The following NT5E variants were observed in gnomAD, a reference collection of about 807,000 sequenced individuals.
NT5E encodes 5'-nucleotidase.
A neutral mutation model predicts 55.1 loss-of-function variants in NT5E; 53 were observed. That is an observed-to-expected ratio of 0.96 (90% CI 0.77 to 1.21). NT5E has a LOEUF of 1.21. NT5E is among the 50% of genes most tolerant of loss of function. The probability of loss-of-function intolerance (pLI) is 0.00; values close to 1 mark genes in which losing one functional copy is unlikely to be tolerated. For synonymous variants in NT5E, 270 were observed against 278.4 expected (o/e 0.97, Z 0.30); for missense variants, 683 against 724.3 (o/e 0.94, Z 0.65).
At chr6:85,492,329 A>G (rs1769803457) in intron 8 of NT5E, 152 bp downstream of exon 8, 1 of 665,728 alleles carries the variant, frequency 1.5e-6, no homozygotes, top group Non-Finnish European at 2.6e-6. Flanking sequence ...AGCACAGCAG[A>G]GAGGAATATG....
At chr6:85,452,660 C>T (rs528900070) in intron 1 of NT5E, among the ~76,000 whole-genome samples, 5 of 152,262 alleles carry the variant, frequency 3.3e-5, no homozygotes, top group Admixed American at 6.5e-5. Flanking sequence ...GTGTGTCAAA[C>T]ATGATTTGAC....
intron 3 of NT5E, among the ~76,000 whole-genome samples, chr6:85,474,312 CT>C (rs1769382422): frequency 6.6e-6 from 1 of 152,106 alleles, no homozygotes; most frequent in African/African-American, 2.4e-5. Flanking sequence ...TAAAACCATC[CT>C]TTTTTAGAAA....
At chr6:85,474,006 C>G (rs545685691) in intron 3 of NT5E, among the ~76,000 whole-genome samples, 2 of 152,262 alleles carry the variant, frequency 1.3e-5, no homozygotes, top group African/African-American at 4.8e-5. Flanking sequence ...GAGACCATGC[C>G]CAGCTTCCCA....
At chr6:85,487,575 C>T (rs901222414) in intron 5 of NT5E, 86 bp downstream of exon 5, 112 of 1,518,486 alleles carry the variant, frequency 7.4e-5, no homozygotes, top group Middle Eastern at 1.7e-4. Context: ...AGGGATAGAT[C>T]GATAGCTACA....
intron 3 of NT5E, among the ~76,000 whole-genome samples, chr6:85,484,083 G>A (rs1769601722): frequency 6.6e-6 from 1 of 152,186 alleles, no homozygotes; most frequent in African/African-American, 2.4e-5. Flanking sequence ...ATGAGATTAA[G>A]CCCAGGGCCT....
At chr6:85,451,755 C>G (rs1384045923) in intron 1 of NT5E, among the ~76,000 whole-genome samples, 1 of 152,164 alleles carries the variant, frequency 6.6e-6, no homozygotes, top group Non-Finnish European at 1.5e-5. Flanking sequence ...GCTTAGAGGT[C>G]AGGAGAGCAC....
chr6:85,490,764 G>A, intron 7 of NT5E, 107 bp downstream of exon 7: 1 of 1,267,348 alleles, frequency 7.9e-7, no homozygotes, highest in South Asian at 1.2e-5. Flanking sequence ...AACTGGTTTG[G>A]ATTTTTCCCG....
intron 3 of NT5E, among the ~76,000 whole-genome samples, chr6:85,479,195 T>G (rs1728472860): frequency 6.6e-6 from 1 of 152,224 alleles, no homozygotes; most frequent in African/African-American, 2.4e-5. Context: ...AAAGATATCC[T>G]AAATTTGAGA....
intron 1 of NT5E, among the ~76,000 whole-genome samples, chr6:85,459,680 T>C (rs1283509851): frequency 6.6e-6 from 1 of 152,236 alleles, no homozygotes; most frequent in Non-Finnish European, 1.5e-5. Flanking sequence ...CCAAAGGAGA[T>C]TTTATTCTTC....
chr6:85,473,312 C>T, intron 3 of NT5E, among the ~76,000 whole-genome samples: 1 of 152,034 alleles, frequency 6.6e-6, no homozygotes, highest in Admixed American at 6.5e-5. Flanking sequence ...TAAGGGGTCA[C>T]TGTGATTTAA....
At chr6:85,461,863 C>T (rs866460585) in intron 1 of NT5E, among the ~76,000 whole-genome samples, 2 of 152,102 alleles carry the variant, frequency 1.3e-5, no homozygotes, top group African/African-American at 4.8e-5. Flanking sequence ...GGGGTAACTG[C>T]TCCTTCTGCC....
intron 1 of NT5E, among the ~76,000 whole-genome samples, chr6:85,457,723 T>C (rs890909778): frequency 2.6e-5 from 4 of 152,158 alleles, no homozygotes; most frequent in African/African-American, 9.7e-5. Flanking sequence ...GGCTCATTTA[T>C]TCATTCAATC....
rs538100003 is a variant in NT5E, at chr6:85,454,353, A to G, written c.339+3875A>G. ...AATTTCTATATTTTACCTATATATC[A>G]TGGCAGTATCCAGCTTTATTGTAGG... On this transcript the variant is annotated intron_variant, in intron 1 of 8. Coordinates refer to ENST00000257770, the MANE Select transcript of NT5E (RefSeq NM_002526.4). Among the ~76,000 whole-genome samples, 3 of 152,336 alleles carry G rather than the reference A, an allele frequency of 2.0e-5. No individual in the cohort carries two copies. In the South Asian group the frequency reaches 6.2e-4, roughly 32 times the overall value.
At chr6:85,488,281 G>A (rs2127724965) in intron 5 of NT5E, among the ~76,000 whole-genome samples, 2 of 152,280 alleles carry the variant, frequency 1.3e-5, no homozygotes, top group Admixed American at 1.3e-4. Flanking sequence ...CCTGCACCCA[G>A]GGAAGTCATT....
chr6:85,489,596 A>C lies in NT5E; in HGVS notation c.1207A>C (p.Asn403His), dbSNP rs138876213. The change falls in exon 6 of 9, where the codon AAT becomes CAT. Residue 403 changes from asparagine to histidine, a missense_variant. Transcript: ENST00000257770. Reference protein sequence around the residue: ...GIRSPIDERNNGTITWENLAA... With the variant: ...GIRSPIDERNHGTITWENLAA... ...CCGGTCGCCCATTGATGAACGCAAC[A>C]ATGGTATGCTCCCAGGCCCAGCTCC... 4.4e-4 allele frequency: 714 copies of C among 1,608,472 alleles called. 4 individuals are homozygous for C. The African/African-American group carries it at 8.8e-3, about 20-fold the overall frequency.
intron 1 of NT5E, among the ~76,000 whole-genome samples, chr6:85,452,640 C>G (rs908487016): frequency 6.6e-6 from 1 of 152,082 alleles, no homozygotes; most frequent in Non-Finnish European, 1.5e-5. Flanking sequence ...TTACTCTGTG[C>G]AGTTTGGGGG....
rs761352003 is a variant in NT5E at position 85,485,405 on chromosome 6, A to G, written c.922A>G (p.Ile308Val). The change falls in exon 4 of 9, where the codon ATT (isoleucine) becomes GTT (valine). Residue 308 changes from isoleucine (I) to valine (V), a missense_variant. Transcript: ENST00000257770. ...CGTCATCTCTTCCCATGGAAATCCC[A>G]TTCTTCTAAACAGCAGCATTCCTGA... is the stretch of plus-strand genomic sequence containing the variant. ...GNVISSHGNPILLNSSIPEDP... is the reference protein window; with the variant it reads ...GNVISSHGNPVLLNSSIPEDP... 5 of 1,614,234 alleles carry G rather than the reference A, an allele frequency of 3.1e-6. No homozygotes were observed. The Admixed American group carries it at 5.0e-5, about 16-fold the overall frequency.
intron 3 of NT5E, among the ~76,000 whole-genome samples, chr6:85,483,972 C>T (rs1192510841): frequency 6.6e-6 from 1 of 152,174 alleles, no homozygotes; most frequent in African/African-American, 2.4e-5. Flanking sequence ...CATCACATAC[C>T]AGCTGTGTGA....
chr6:85,462,519 C>T lies in NT5E; in HGVS notation c.340-4541C>T, dbSNP rs374130375. Among the ~76,000 whole-genome samples, 15 of 152,150 alleles carry T rather than the reference C, an allele frequency of 9.9e-5. No homozygotes were observed. In the East Asian group the frequency reaches 2.1e-3, roughly 21 times the overall value. ...CTCTCCATAACACCTCTACTGCAGACGTCTGTCTCTGGTGTATCAGCTGTA... is the reference window on the plus strand; with the variant it reads ...CTCTCCATAACACCTCTACTGCAGATGTCTGTCTCTGGTGTATCAGCTGTA... On this transcript the variant is annotated intron_variant, in intron 1 of 8. Coordinates refer to ENST00000257770, the MANE Select transcript of NT5E (RefSeq NM_002526.4).
Sources: gnomAD v4.1 joint callset for allele counts (sites outside exome capture counted in the v4.1 genomes callset) on GRCh38, gnomAD v4.1.1 for gene constraint, MANE v1.5 for transcripts, NCBI Gene and HGNC (gene_info 2026-07-23, HGNC 2026-07-21) for gene names.